Variants in GFRA2 observed in about 807,000 individuals in gnomAD.
The protein encoded by GFRA2 is GDNF family receptor alpha-2.
A neutral mutation model predicts 48.3 loss-of-function variants in GFRA2; 17 were observed. The ratio of observed to expected loss-of-function variants is 0.35; its 90% CI spans 0.24 to 0.53. GFRA2 has a LOEUF of 0.53. Ranked by LOEUF, GFRA2 falls within the 20% of genes least tolerant of loss-of-function variation. The probability of loss-of-function intolerance (pLI) is 0.93; values close to 1 mark genes in which losing one functional copy is unlikely to be tolerated. For synonymous variants in GFRA2, 305 were observed against 257.2 expected (o/e 1.19, Z -1.78); for missense variants, 660 against 637.3 (o/e 1.04, Z -0.38).
chr8:21,800,743 G>T (rs1049486521), intron 2 of GFRA2, among the ~76,000 whole-genome samples: 1 of 152,140 alleles, frequency 6.6e-6, no homozygotes, highest in Non-Finnish European at 1.5e-5. Context: ...CAGGCAACAC[G>T]GTGAGACCCC....
intron 4 of GFRA2, among the ~76,000 whole-genome samples, chr8:21,711,591 C>T (rs528665475): frequency 2.0e-5 from 3 of 152,156 alleles, no homozygotes; most frequent in South Asian, 2.1e-4. Context: ...AAACGAAGAA[C>T]GTGTAGGTTC....
intron 4 of GFRA2, among the ~76,000 whole-genome samples, chr8:21,724,306 C>T (rs144627211): frequency 6.6e-6 from 1 of 152,264 alleles, no homozygotes; most frequent in African/African-American, 2.4e-5. Context: ...TCCTTACAGG[C>T]AGACTTTCAT....
Position 21,715,707 on chromosome 8 carries a change from A to G in GFRA2, c.795-9666T>C, listed in dbSNP as rs375563347. ...AAGGAAATAATGTCAGCTGGGCCCA[A>G]CAGGGTCCTTGTCTAAAGTTTTCCT... On this transcript the variant is annotated intron_variant, in intron 4 of 8. Coordinates refer to ENST00000524240, the MANE Select transcript of GFRA2 (RefSeq NM_001495.5). Among the ~76,000 whole-genome samples, 20 of 152,384 alleles carry G rather than the reference A, an allele frequency of 1.3e-4. No individual in the cohort carries two copies. In the South Asian group the frequency reaches 4.1e-3, roughly 32 times the overall value.
chr8:21,732,344 C>T (rs1804239338), intron 4 of GFRA2, among the ~76,000 whole-genome samples: 1 of 152,190 alleles, frequency 6.6e-6, no homozygotes, highest in South Asian at 2.1e-4. Context: ...CAGGGCCTGC[C>T]GAGTGGAGCA....
intron 2 of GFRA2, among the ~76,000 whole-genome samples, chr8:21,778,024 C>T (rs1245985266): frequency 6.6e-6 from 1 of 152,230 alleles, no homozygotes; most frequent in Non-Finnish European, 1.5e-5. Context: ...TGCGCCTTGA[C>T]TGCATACTGA....
chr8:21,710,558 C>G (rs1394766387), intron 4 of GFRA2, among the ~76,000 whole-genome samples: 1 of 152,194 alleles, frequency 6.6e-6, no homozygotes, highest in Non-Finnish European at 1.5e-5. Context: ...CCATGCCATG[C>G]TGGGGACACA....
intron 1 of GFRA2, among the ~76,000 whole-genome samples, chr8:21,786,942 G>A (rs1012590432): frequency 5.3e-5 from 8 of 151,988 alleles, no homozygotes; most frequent in Admixed American, 4.6e-4. Context: ...GCAAGCCAAG[G>A]TGGTAGAACT....
At chr8:21,732,156 C>A (rs956843514) in intron 4 of GFRA2, among the ~76,000 whole-genome samples, 1 of 152,244 alleles carries the variant, frequency 6.6e-6, no homozygotes, top group African/African-American at 2.4e-5. Context: ...CTCTTACATT[C>A]CTAGAGACAC....
rs373094191 is a variant in GFRA2, at chr8:21,769,327, C to T, written c.439+5645G>A. The T allele has an allele frequency of 8.7e-3, 1,477 of 170,576 alleles. 19 individuals are homozygous for T. Among genetic ancestry groups the T allele is most frequent in the African/African-American group, 0.032 (1,345 of 41,386 alleles). 10.6% of individuals were successfully genotyped at this position (170,576 alleles called of 1,614,324 possible). ...CCAGGATCCACCCCTTCTCAATGCC[C>T]CAGATACTCCTAAGATGTCACACAC... On this transcript the variant is annotated intron_variant, in intron 3 of 8. Coordinates refer to ENST00000524240, the MANE Select transcript of GFRA2 (RefSeq NM_001495.5).
In GFRA2 at chr8:21,693,186, GGTGT is replaced by G. The variant is rs141587546; in HGVS notation, c.*88_*91del. 1.7e-6 allele frequency: 2 copies of G among 1,202,852 alleles called. No homozygotes were observed. The highest frequency in any genetic ancestry group is 5.7e-5 in the East Asian group (2 of 34,796). 74.5% of individuals were successfully genotyped at this position (1,202,852 alleles called of 1,614,324 possible). The stretch of plus-strand genomic sequence containing the variant: ...GGGAAAAACAATTTTTTTTTTGCAA[GGTGT>G]GTGTGTGTCTGTGTGTGTTTCCATT... On this transcript the variant is annotated 3_prime_UTR_variant, in exon 9 of 9. Transcript: ENST00000524240.
intron 3 of GFRA2, among the ~76,000 whole-genome samples, chr8:21,761,622 T>C (rs2117647921): frequency 1.3e-5 from 2 of 152,262 alleles, no homozygotes; most frequent in African/African-American, 4.8e-5. Flanking sequence ...CAGTTTCCAA[T>C]CCATAGTACA....
At chr8:21,811,394 A>G (rs1807978571) in intron 1 of GFRA2, among the ~76,000 whole-genome samples, 1 of 152,028 alleles carries the variant, frequency 6.6e-6, no homozygotes, top group Non-Finnish European at 1.5e-5. Context: ...CTCTTAGGGA[A>G]CTCGGGATGG....
At chr8:21,715,620 A>G (rs4078156) in intron 4 of GFRA2, among the ~76,000 whole-genome samples, 80,623 of 152,066 alleles carry the variant, frequency 0.53, 25,001 homozygotes, top group East Asian at 0.72. Context: ...GCCCAGGGGG[A>G]AACATGACCT....
chr8:21,801,249 T>C (rs1807765192), intron 2 of GFRA2, among the ~76,000 whole-genome samples: 1 of 151,802 alleles, frequency 6.6e-6, no homozygotes, highest in Admixed American at 6.6e-5. Flanking sequence ...GGACTCGTGG[T>C]CTCATTTCTC....
chr8:21,701,655 T>C (rs776489071), intron 7 of GFRA2, among the ~76,000 whole-genome samples: 1 of 152,126 alleles, frequency 6.6e-6, no homozygotes, highest in South Asian at 2.1e-4. Flanking sequence ...CATTCCTCCA[T>C]TGACCAAGCA....
At chr8:21,789,511 C>G (rs996126978), upstream of GFRA2, among the ~76,000 whole-genome samples, 8 of 152,140 alleles carry the variant, frequency 5.3e-5, no homozygotes, top group African/African-American at 1.9e-4. Context: ...GGGCTCCACC[C>G]TCCGTGGGCT....
chr8:21,759,543 A>AAGGG (rs879376871), intron 3 of GFRA2, among the ~76,000 whole-genome samples: 2,163 of 147,284 alleles, frequency 0.015, 39 homozygotes, highest in East Asian at 0.056. Flanking sequence ...GGAAGGAAGG[A>AAGGG]GGGAAGGAAG....
intron 3 of GFRA2, among the ~76,000 whole-genome samples, chr8:21,763,844 C>T (rs573287874): frequency 6.6e-6 from 1 of 151,776 alleles, no homozygotes; most frequent in African/African-American, 2.4e-5. Context: ...GCTCCTCAGC[C>T]CCTCTCCTCC....
intron 4 of GFRA2, among the ~76,000 whole-genome samples, chr8:21,719,487 G>T (rs538042365): frequency 3.3e-5 from 5 of 152,320 alleles, no homozygotes; most frequent in African/African-American, 1.2e-4. Context: ...GATTTTAATT[G>T]AAGGACTGTT....
Sources: gnomAD v4.1 joint callset for allele counts (sites outside exome capture counted in the v4.1 genomes callset) on GRCh38, gnomAD v4.1.1 for gene constraint, MANE v1.5 for transcripts, NCBI Gene and HGNC (gene_info 2026-07-23, HGNC 2026-07-21) for gene names.